The following GLOD4 variants were observed in gnomAD, a reference collection of about 807,000 sequenced individuals.
GLOD4 encodes the protein glyoxalase domain-containing protein 4.
A neutral mutation model predicts 39.1 loss-of-function variants in GLOD4; 44 were observed. The ratio of observed to expected loss-of-function variants is 1.13; its 90% CI spans 0.88 to 1.45. GLOD4 has a LOEUF of 1.45. Ranked by LOEUF, GLOD4 falls within the 40% of genes most tolerant of loss-of-function variation. The pLI is 0.00. For missense variants in GLOD4, 405 were observed against 366.4 expected (o/e 1.11, Z -0.86); for synonymous variants, 145 against 135.0 (o/e 1.07, Z -0.52).
intron 3 of GLOD4, 142 bp downstream of exon 3, chr17:776,726 C>G (rs1360004358): frequency 1.5e-6 from 1 of 665,254 alleles, no homozygotes; most frequent in Non-Finnish European, 2.7e-6. Flanking sequence ...CCCAGATATC[C>G]ACGTGGCTAA....
chr17:773,518 GT>G (rs559095431), intron 4 of GLOD4, among the ~76,000 whole-genome samples: 35 of 151,680 alleles, frequency 2.3e-4, no homozygotes, highest in African/African-American at 6.0e-4. Context: ...GGGTGTGTGT[GT>G]TTTTTTTCAG....
In GLOD4 at chr17:778,716, C is replaced by G; in HGVS notation, c.119G>C (p.Gly40Ala). The G allele has an allele frequency of 3.1e-6, 5 of 1,603,334 alleles. No homozygotes were observed. The highest frequency in any genetic ancestry group is 4.3e-6 in the Non-Finnish European group (5 of 1,170,198). The change falls in exon 2 of 9, where the codon GGC becomes GCC. Residue 40 changes from glycine (G) to alanine (A), a missense_variant. Physicochemically the swap from Gly to Ala is moderately conservative, Grantham distance 60. Coordinates refer to ENST00000301329, the MANE Select transcript of GLOD4 (RefSeq NM_016080.4). The part of the protein sequence containing the change: ...KVLRHEEFEE[G>A]CKAACNGPYD... ...ATACCCATTACAGGCAGCTTTGCAG[C>G]CTTCTTCAAATTCCTCATGCCGCAG...
intron 3 of GLOD4, among the ~76,000 whole-genome samples, chr17:776,472 C>T (rs933620378): frequency 1.3e-5 from 2 of 152,196 alleles, no homozygotes; most frequent in Non-Finnish European, 2.9e-5. Flanking sequence ...ATAGTCCACC[C>T]CCAGACTGCA....
intron 8 of GLOD4, 128 bp from the exon 9 acceptor site, chr17:760,366 C>T (rs1488699866): frequency 6.5e-6 from 4 of 616,918 alleles, no homozygotes; most frequent in African/African-American, 1.9e-5. Context: ...CAAACCCCCG[C>T]TCCAAAAAAA....
At position 771,406 on chromosome 17, in the gene GLOD4, G is replaced by T; in HGVS notation, c.462C>A (p.Tyr154Ter). The change falls in exon 5 of 9, where the codon TAC (tyrosine) becomes TAA (stop). Residue 154 changes from tyrosine to a stop codon, truncating the protein, a stop_gained. Coordinates refer to ENST00000301329, the MANE Select transcript of GLOD4 (RefSeq NM_016080.4). LOFTEE classifies it high-confidence loss of function. ...AVSDLQKSLN[Y>*]WCNLLGMKIY... ...TTTTCATTCCCAGTAGATTACACCA[G>T]TAGTTCAAGGACTTTTGAAGATCAG... is the stretch of plus-strand genomic sequence containing the variant. The T allele has an allele frequency of 6.3e-7, 1 of 1,576,450 alleles. No individual in the cohort carries two copies. The highest frequency in any genetic ancestry group is 8.7e-7 in the Non-Finnish European group (1 of 1,147,786).
upstream of GLOD4, among the ~76,000 whole-genome samples, chr17:782,902 G>A (rs1347017336): frequency 1.3e-5 from 2 of 152,182 alleles, no homozygotes; most frequent in Admixed American, 6.5e-5. Flanking sequence ...TAGCCAGGCT[G>A]ATCTGGAACT....
At chr17:769,584 G>A (rs1418959442) in intron 8 of GLOD4, among the ~76,000 whole-genome samples, 1 of 151,922 alleles carries the variant, frequency 6.6e-6, no homozygotes, top group Non-Finnish European at 1.5e-5. Flanking sequence ...GAGCTGAGGG[G>A]GTCGGATAGA....
At chr17:761,006 C>T (rs371294803) in intron 8 of GLOD4, among the ~76,000 whole-genome samples, 363 of 152,260 alleles carry the variant, frequency 2.4e-3, no homozygotes, top group African/African-American at 8.1e-3. Flanking sequence ...GCATCCCTTT[C>T]GTTGTTTAGT....
upstream of GLOD4, chr17:783,197 G>C (rs137907556): frequency 1.4e-4 from 232 of 1,614,018 alleles, no homozygotes; most frequent in Non-Finnish European, 1.9e-4. Context: ...TGCCAAAAAT[G>C]TTCTTCTTTA....
At chr17:770,716 G>A in intron 5 of GLOD4, 1 of 419,408 alleles carries the variant, frequency 2.4e-6, no homozygotes, top group African/African-American at 2.0e-5. Context: ...TACACAAATG[G>A]TGGTATAATT....
chr17:760,711 C>A (rs1366347190), intron 8 of GLOD4, among the ~76,000 whole-genome samples: 2 of 152,178 alleles, frequency 1.3e-5, no homozygotes, highest in Non-Finnish European at 2.9e-5. Flanking sequence ...AGTGATGAAG[C>A]CTGGAATGAT....
intron 3 of GLOD4, 52 bp downstream of exon 3, chr17:776,816 A>C: frequency 7.0e-7 from 1 of 1,420,440 alleles, no homozygotes; most frequent in Non-Finnish European, 1.0e-6. Flanking sequence ...TCAAATTTAC[A>C]ACCAGCCACC....
chr17:784,024 C>T (rs1910411566), upstream of GLOD4, among the ~76,000 whole-genome samples: 1 of 152,180 alleles, frequency 6.6e-6, no homozygotes, highest in Non-Finnish European at 1.5e-5. Flanking sequence ...GAGGTACAAG[C>T]CACAATTTAC....
At chr17:764,358 T>TA (rs1057435410) in intron 8 of GLOD4, 2 of 152,152 alleles carry the variant, frequency 1.3e-5, no homozygotes, top group African/African-American at 4.8e-5. Context: ...CTAGAATAGC[T>TA]AAAAAACCCA....
chr17:776,716 C>A, intron 3 of GLOD4, 152 bp downstream of exon 3: 1 of 651,508 alleles, frequency 1.5e-6, no homozygotes, highest in South Asian at 1.8e-5. Flanking sequence ...ACGCGCATCC[C>A]CCAGATATCC....
At chr17:781,946 G>A (rs1229828103) in intron 1 of GLOD4, 1 of 540,860 alleles carries the variant, frequency 1.8e-6, no homozygotes, top group Admixed American at 3.3e-5. Context: ...GACGTGCGTG[G>A]GCACACCGCG....
chr17:771,981 C>G (rs1420281555), intron 4 of GLOD4, among the ~76,000 whole-genome samples: 1 of 141,480 alleles, frequency 7.1e-6, no homozygotes, highest in Admixed American at 7.4e-5. Context: ...CCGTTGCACT[C>G]TAGCCTGGGA....
upstream of GLOD4, among the ~76,000 whole-genome samples, chr17:785,860 A>G (rs1035725090): frequency 2.0e-5 from 3 of 152,328 alleles, no homozygotes; most frequent in East Asian, 3.9e-4. Context: ...CCTATAAACT[A>G]TTTTTTAAAA....
chr17:762,058 G>A (rs972960602), intron 8 of GLOD4, among the ~76,000 whole-genome samples: 3 of 152,126 alleles, frequency 2.0e-5, no homozygotes, highest in South Asian at 2.1e-4. Context: ...CGGATTAAAC[G>A]GTTTTAAAAA....
Sources: allele counts gnomAD v4.1 joint callset (sites outside exome capture counted in the v4.1 genomes callset), GRCh38; gene constraint gnomAD v4.1.1; transcripts MANE v1.5; gene names NCBI Gene and HGNC (gene_info 2026-07-23, HGNC 2026-07-21).